The following PCDHA8 variants were observed in gnomAD, a reference collection of about 807,000 sequenced individuals.
The protein encoded by PCDHA8 is protocadherin alpha-8.
Under a neutral mutation model 61.8 loss-of-function variants are expected in PCDHA8, and 53 were observed. That is an observed-to-expected ratio of 0.86 (90% confidence interval 0.69 to 1.08). The LOEUF (loss-of-function observed/expected upper bound fraction) is 1.08, where lower values mean the gene tolerates loss of function less well. PCDHA8 is among the 50% of genes least tolerant of loss of function. PCDHA8 has a pLI of 0.00. For missense variants in PCDHA8, 1,293 were observed against 1,245.0 expected (o/e 1.04, Z -0.58); for synonymous variants, 618 against 556.6 (o/e 1.11, Z -1.55).
At chr5:140,893,763 TG>T (rs1554185760) in intron 1 of PCDHA8, among the ~76,000 whole-genome samples, 1 of 152,156 alleles carries the variant, frequency 6.6e-6, no homozygotes, top group African/African-American at 2.4e-5. Flanking sequence ...ATAGGTGACT[TG>T]TCACTTTTCT....
rs2150336386 is a variant in PCDHA8 at position 140,842,455 on chromosome 5, T to C, written c.1134T>C (p.Asp378=). ...VIALISVNDL[D]SGANGQVTCS... is the part of the protein sequence containing the mutation. Reference sequence around the variant, plus strand: ...CCCTAATTAGCGTGAACGACCTCGATTCAGGTGCCAACGGGCAGGTGACCT... The same window carrying C: ...CCCTAATTAGCGTGAACGACCTCGACTCAGGTGCCAACGGGCAGGTGACCT... Residue 378 remains aspartate (D), a synonymous_variant, in exon 1 of 4, where the codon GAT becomes GAC. Coordinates refer to ENST00000531613, the MANE Select transcript of PCDHA8 (RefSeq NM_018911.3). The C allele has an allele frequency of 1.2e-6, 2 of 1,613,862 alleles. 1 individual carries two copies. Among genetic ancestry groups the C allele is most frequent in the East Asian group, 4.5e-5 (2 of 44,876 alleles).
At chr5:141,003,081 T>C (rs2098110268) in intron 3 of PCDHA8, among the ~76,000 whole-genome samples, 1 of 152,238 alleles carries the variant, frequency 6.6e-6, no homozygotes, top group Admixed American at 6.5e-5. Context: ...AGGGTGAGTT[T>C]AACAGGCCTG....
At chr5:140,993,321 G>A (rs1021026330) in intron 3 of PCDHA8, among the ~76,000 whole-genome samples, 58 of 152,134 alleles carry the variant, frequency 3.8e-4, no homozygotes, top group African/African-American at 5.3e-4. Context: ...TACCTTCTAA[G>A]TGTTTGTGAT....
At chr5:140,968,460 C>G (rs1554230749) in intron 1 of PCDHA8, 1 of 1,614,096 alleles carries the variant, frequency 6.2e-7, no homozygotes, top group Non-Finnish European at 8.5e-7. Flanking sequence ...ACTGTGACTG[C>G]CAACGTATAT....
intron 1 of PCDHA8, chr5:140,877,538 C>T: frequency 1.2e-6 from 2 of 1,613,776 alleles, no homozygotes; most frequent in Non-Finnish European, 1.7e-6. Context: ...GCTGTGGATC[C>T]CGAAGCGGCT....
chr5:140,969,404 G>A (rs1345885868), intron 1 of PCDHA8: 2 of 1,577,250 alleles, frequency 1.3e-6, no homozygotes, highest in Admixed American at 1.9e-5. Context: ...CTGTGATTTG[G>A]CTTTATTGAG....
chr5:141,003,796 G>A (rs2098138988), intron 3 of PCDHA8, among the ~76,000 whole-genome samples: 1 of 152,168 alleles, frequency 6.6e-6, no homozygotes, highest in Non-Finnish European at 1.5e-5. Context: ...ATCCTATTGG[G>A]TTGTAATCTG....
At chr5:140,917,324 C>CGGT (rs2078038330) in intron 1 of PCDHA8, among the ~76,000 whole-genome samples, 1 of 76,126 alleles carries the variant, frequency 1.3e-5, no homozygotes, top group Admixed American at 1.5e-4. Flanking sequence ...GTTCATGTGG[C>CGGT]GGGGGAGGGG....
At position 140,882,112 on chromosome 5, in the gene PCDHA8, C is replaced by A. The variant is rs1399071152; in HGVS notation, c.2394+38397C>A. On this transcript the variant is annotated intron_variant, in intron 1 of 3. Transcript: ENST00000531613. ...CTGAGAACGTTTCCGCGAAGAAAGC[C>A]GCCGTTTCTTTCTTCCTGCAGAAAA... 4 of 1,384,574 alleles carry A rather than the reference C, an allele frequency of 2.9e-6. No individual in the cohort carries two copies. The Admixed American group carries it at 7.3e-5, about 25-fold the overall frequency. 85.8% of individuals were successfully genotyped at this position (1,384,574 alleles called of 1,614,324 possible).
At chr5:140,989,105 T>G (rs550881823) in intron 3 of PCDHA8, 2 of 152,232 alleles carry the variant, frequency 1.3e-5, no homozygotes, top group African/African-American at 4.8e-5. Flanking sequence ...GAAACAACTT[T>G]TGAATATATC....
chr5:140,930,044 A>G (rs1416118719), intron 1 of PCDHA8: 1 of 152,194 alleles, frequency 6.6e-6, no homozygotes, highest in African/African-American at 2.4e-5. Context: ...ACTGCTTTGG[A>G]GTTTTTGCTT....
chr5:140,939,613 A>T (rs2092423002), intron 1 of PCDHA8, among the ~76,000 whole-genome samples: 1 of 152,232 alleles, frequency 6.6e-6, no homozygotes, highest in African/African-American at 2.4e-5. Context: ...CAGAACAAGG[A>T]GACAAAAGAA....
intron 1 of PCDHA8, among the ~76,000 whole-genome samples, chr5:140,943,277 AGAAAG>A (rs797041544): frequency 8.1e-4 from 104 of 129,164 alleles, no homozygotes; most frequent in African/African-American, 3.0e-3. Context: ...AAAAAAAAAA[AGAAAG>A]AAAGAATTAA....
At chr5:140,876,543 C>T (rs1357446844) in intron 1 of PCDHA8, 10 of 1,614,022 alleles carry the variant, frequency 6.2e-6, no homozygotes, top group African/African-American at 2.7e-5. Context: ...CACTGTCGCT[C>T]CCTGTGCAAG....
intron 1 of PCDHA8, chr5:140,863,686 T>G (rs1386583317): frequency 3.4e-6 from 1 of 295,212 alleles, no homozygotes; most frequent in Non-Finnish European, 6.6e-6. Flanking sequence ...CTTTTTCTTT[T>G]GAGATGCTTT....
chr5:140,965,591 C>T (rs1440117062), intron 1 of PCDHA8, among the ~76,000 whole-genome samples: 1 of 151,692 alleles, frequency 6.6e-6, no homozygotes, highest in Non-Finnish European at 1.5e-5. Context: ...AATGGTTTTG[C>T]AGACTCTTGA....
chr5:140,883,559 G>A (rs2059672435), intron 1 of PCDHA8: 5 of 1,614,074 alleles, frequency 3.1e-6, no homozygotes, highest in Non-Finnish European at 4.2e-6. Context: ...GCGGGACGGG[G>A]GCTCGCCTTC....
intron 3 of PCDHA8, among the ~76,000 whole-genome samples, chr5:140,999,024 T>C (rs17119348): frequency 0.023 from 3,497 of 152,332 alleles, 138 homozygotes; most frequent in African/African-American, 0.08. Context: ...CCAAGACTTT[T>C]GATACTTCGT....
chr5:140,940,736 A>G (rs1554213579), intron 1 of PCDHA8, among the ~76,000 whole-genome samples: 1 of 152,200 alleles, frequency 6.6e-6, no homozygotes, highest in Non-Finnish European at 1.5e-5. Flanking sequence ...GGACAGCTCC[A>G]TATTTTTATG....
Sources: gnomAD v4.1 joint callset for allele counts (sites outside exome capture counted in the v4.1 genomes callset) on GRCh38, gnomAD v4.1.1 for gene constraint, MANE v1.5 for transcripts, NCBI Gene and HGNC (gene_info 2026-07-23, HGNC 2026-07-21) for gene names.